REEP1: variants seen among roughly 807,000 people sequenced by gnomAD.
REEP1 encodes the protein receptor expression-enhancing protein 1.
In REEP1, 22 loss-of-function variants were observed where a neutral mutation model predicts 40.3. The observed-to-expected ratio is 0.55, with a 90% CI of 0.39 to 0.78. REEP1 has a LOEUF of 0.78. Ranked by LOEUF, REEP1 falls within the 30% of genes least tolerant of loss-of-function variation. REEP1 has a pLI of 0.00. For missense variants in REEP1, 280 were observed against 361.1 expected (o/e 0.78, Z 1.82); for synonymous variants, 116 against 139.2 (o/e 0.83, Z 1.17).
chr2:86,286,795 G>T (rs1678423592), intron 1 of REEP1, among the ~76,000 whole-genome samples: 1 of 152,154 alleles, frequency 6.6e-6, no homozygotes. Flanking sequence ...TGCAAACCAT[G>T]AAACAAACTA....
At chr2:86,238,332 G>T (rs1404645133) in intron 5 of REEP1, among the ~76,000 whole-genome samples, 1 of 152,212 alleles carries the variant, frequency 6.6e-6, no homozygotes, top group Non-Finnish European at 1.5e-5. Flanking sequence ...AAATATGGTT[G>T]CACTTCTCAG....
intron 1 of REEP1, among the ~76,000 whole-genome samples, chr2:86,296,504 C>T (rs1678990789): frequency 6.6e-6 from 1 of 152,242 alleles, no homozygotes; most frequent in South Asian, 2.1e-4. Context: ...TGTATTACCA[C>T]AAGTCCTTGG....
At chr2:86,294,871 G>T (rs889134040) in intron 1 of REEP1, among the ~76,000 whole-genome samples, 8 of 152,106 alleles carry the variant, frequency 5.3e-5, no homozygotes, top group African/African-American at 1.7e-4. Flanking sequence ...GGTTTGTCTG[G>T]CAGCAGAAGG....
intron 1 of REEP1, among the ~76,000 whole-genome samples, chr2:86,321,109 C>T (rs913511807): frequency 3.9e-5 from 6 of 152,022 alleles, no homozygotes; most frequent in African/African-American, 9.7e-5. Flanking sequence ...TGTGAGACAC[C>T]GCACCCGGCC....
At chr2:86,312,724 C>T (rs1011900750) in intron 1 of REEP1, among the ~76,000 whole-genome samples, 5 of 152,180 alleles carry the variant, frequency 3.3e-5, no homozygotes, top group African/African-American at 7.2e-5. Context: ...TAGTACCTAC[C>T]CCATGGGGCT....
At chr2:86,244,108 GT>G (rs577814857) in intron 5 of REEP1, among the ~76,000 whole-genome samples, 3 of 152,046 alleles carry the variant, frequency 2.0e-5, no homozygotes, top group Admixed American at 1.3e-4. Flanking sequence ...TTAACAGGTA[GT>G]TTTTTTTGCT....
chr2:86,215,242 A>T lies in REEP1; in HGVS notation c.*1797T>A, dbSNP rs1355458286. ...CTTCTGTTTATCCTCTCAGCCACAAATTCGCTTTTAGGTATATTTTCCTAT... is the reference window on the plus strand; with the variant it reads ...CTTCTGTTTATCCTCTCAGCCACAATTTCGCTTTTAGGTATATTTTCCTAT... On this transcript the variant is annotated 3_prime_UTR_variant, in exon 9 of 9. Transcript: ENST00000538924. 1 of 152,170 alleles carries T rather than the reference A, an allele frequency of 6.6e-6. No homozygotes were observed. Among genetic ancestry groups the T allele is most frequent in the Admixed American group, 6.5e-5 (1 of 15,272 alleles). The allele number at this position is 152,170 out of a possible 1,614,324, so 9.4% of individuals were successfully genotyped here.
intron 1 of REEP1, among the ~76,000 whole-genome samples, chr2:86,300,558 T>A (rs1679214127): frequency 6.6e-6 from 1 of 151,506 alleles, no homozygotes; most frequent in South Asian, 2.1e-4. Context: ...TCAGAGAGAG[T>A]ACCAGACACA....
intron 7 of REEP1, among the ~76,000 whole-genome samples, chr2:86,226,123 C>CCACCACCAT (rs1674682660): frequency 4.3e-5 from 6 of 139,644 alleles, no homozygotes; most frequent in Non-Finnish European, 9.1e-5. Flanking sequence ...ACCATCATCA[C>CCACCACCAT]CACCACCACC....
intron 1 of REEP1, among the ~76,000 whole-genome samples, chr2:86,331,281 C>A (rs1265304749): frequency 6.6e-6 from 1 of 152,180 alleles, no homozygotes; most frequent in Non-Finnish European, 1.5e-5. Flanking sequence ...GTCACCTGCC[C>A]ACCTCTGGAC....
intron 1 of REEP1, among the ~76,000 whole-genome samples, chr2:86,297,385 T>C (rs1480380247): frequency 1.3e-5 from 2 of 152,238 alleles, no homozygotes; most frequent in African/African-American, 4.8e-5. Flanking sequence ...AATGGGATAA[T>C]ATACGTTATG....
chr2:86,260,665 T>C lies in REEP1; in HGVS notation c.182+3300A>G, dbSNP rs1251113790. On this transcript the variant is annotated intron_variant, in intron 3 of 8. Coordinates refer to ENST00000538924, the MANE Select transcript of REEP1 (RefSeq NM_001371279.1). ...GCCATCATTGGCTTGAAGATGAAGG[T>C]GGTGGCATGTGTCAAGAAAACGGAG... 7.9e-5 allele frequency among the ~76,000 whole-genome samples: 12 copies of C among 152,158 alleles called. No homozygotes were observed. In the East Asian group the frequency reaches 2.3e-3, roughly 29 times the overall value.
chr2:86,327,092 T>C (rs1025301674), intron 1 of REEP1, among the ~76,000 whole-genome samples: 4 of 152,236 alleles, frequency 2.6e-5, no homozygotes, highest in African/African-American at 9.6e-5. Flanking sequence ...TAAGATGCAG[T>C]GTGAAAAACA....
At chr2:86,232,580 C>A (rs761806831) in intron 6 of REEP1, 45 bp downstream of exon 6, 1 of 1,597,000 alleles carries the variant, frequency 6.3e-7, no homozygotes. Flanking sequence ...TCAATGAAAG[C>A]GAGGCCCAAG....
intron 1 of REEP1, among the ~76,000 whole-genome samples, chr2:86,302,419 G>T (rs1215997731): frequency 6.6e-6 from 1 of 152,202 alleles, no homozygotes; most frequent in Non-Finnish European, 1.5e-5. Context: ...AAAAACTGAG[G>T]ATGAGAGTAG....
At chr2:86,267,687 A>G (rs1421298897) in intron 2 of REEP1, among the ~76,000 whole-genome samples, 1 of 152,214 alleles carries the variant, frequency 6.6e-6, no homozygotes, top group African/African-American at 2.4e-5. Context: ...TCCTACCTCA[A>G]AAAGAAGACA....
chr2:86,293,602 T>C (rs747940519), intron 1 of REEP1, among the ~76,000 whole-genome samples: 25 of 152,212 alleles, frequency 1.6e-4, no homozygotes, highest in Admixed American at 4.6e-4. Flanking sequence ...TAGGAATTTA[T>C]ACAGAAAATT....
intron 4 of REEP1, among the ~76,000 whole-genome samples, chr2:86,253,189 G>A (rs555606444): frequency 5.9e-5 from 9 of 152,302 alleles, no homozygotes; most frequent in Non-Finnish European, 8.8e-5. Flanking sequence ...GCTGAGGCAG[G>A]AGAATTGCTG....
At chr2:86,331,746 T>G (rs1680776384) in intron 1 of REEP1, among the ~76,000 whole-genome samples, 1 of 152,168 alleles carries the variant, frequency 6.6e-6, no homozygotes, top group African/African-American at 2.4e-5. Context: ...CTCTGTTTAC[T>G]AATCTAGTAA....
Sources: gnomAD v4.1 joint callset for allele counts (sites outside exome capture counted in the v4.1 genomes callset) on GRCh38, gnomAD v4.1.1 for gene constraint, MANE v1.5 for transcripts, NCBI Gene and HGNC (gene_info 2026-07-23, HGNC 2026-07-21) for gene names.